The following ANKMY1 variants were observed in gnomAD, a reference collection of about 807,000 sequenced individuals.
ANKMY1 encodes the protein ankyrin repeat and MYND domain containing 1, also known as ankyrin repeat and MYND domain-containing protein 1.
In ANKMY1, 98 loss-of-function variants were observed where a neutral mutation model predicts 102.0. The ratio of observed to expected loss-of-function variants is 0.96; its 90% CI spans 0.82 to 1.14. ANKMY1 has a LOEUF of 1.14. Ranked by LOEUF, ANKMY1 falls within the 50% of genes most tolerant of loss-of-function variation. ANKMY1 has a pLI of 0.00. For missense variants in ANKMY1, 1,330 were observed against 1,347.6 expected (o/e 0.99, Z 0.20); for synonymous variants, 582 against 559.9 (o/e 1.04, Z -0.56).
chr2:240,490,048 A>G (rs1405705166), intron 15 of ANKMY1, among the ~76,000 whole-genome samples: 2 of 151,822 alleles, frequency 1.3e-5, no homozygotes, highest in African/African-American at 4.8e-5. Context: ...TTTGTCATAT[A>G]GTCTCTGATG....
intron 9 of ANKMY1, among the ~76,000 whole-genome samples, chr2:240,514,810 A>G (rs903494392): frequency 6.6e-6 from 1 of 152,216 alleles, no homozygotes; most frequent in Non-Finnish European, 1.5e-5. Flanking sequence ...GGCAACCCCG[A>G]GAGTCCCATT....
At chr2:240,469,709 T>G in the ANKMY1 span, among the ~76,000 whole-genome samples, 1 of 151,892 alleles carries the variant, frequency 6.6e-6, no homozygotes, top group South Asian at 2.1e-4. Flanking sequence ...ACCCTGTACA[T>G]GCACACACAA....
chr2:240,474,051 A>C, the ANKMY1 span, among the ~76,000 whole-genome samples: 1 of 152,166 alleles, frequency 6.6e-6, no homozygotes, highest in Non-Finnish European at 1.5e-5. Flanking sequence ...AGGCATCCAC[A>C]TCAGAAAGGA....
intron 16 of ANKMY1, among the ~76,000 whole-genome samples, chr2:240,481,458 G>T (rs966386010): frequency 6.6e-6 from 1 of 152,096 alleles, no homozygotes; most frequent in Non-Finnish European, 1.5e-5. Flanking sequence ...GTGGTACAGT[G>T]TTGCATGGGA....
At chr2:240,509,486 G>A (rs1460604240) in intron 11 of ANKMY1, 31 bp from the exon 12 acceptor site, 1 of 1,502,314 alleles carries the variant, frequency 6.7e-7, no homozygotes, top group Non-Finnish European at 9.2e-7. Flanking sequence ...GGTTAGAGAG[G>A]CACCCCCACC....
At position 240,482,279 on chromosome 2, in the gene ANKMY1, C is replaced by T. The variant is rs1374230757; in HGVS notation, c.2807-18G>A. 1 of 1,606,136 alleles carries T rather than the reference C, an allele frequency of 6.2e-7. No homozygotes were observed. The highest frequency in any genetic ancestry group is 1.3e-5 in the African/African-American group (1 of 74,504). On this transcript the variant is annotated intron_variant, in intron 15 of 17. Coordinates refer to ENST00000401804, the MANE Select transcript of ANKMY1 (RefSeq NM_001282771.3). ...CAGCTCCGCTGCATGAGAGAGGGTC[C>T]CGCATTAGTACCCACGTGGCAGGGT...
In ANKMY1 at chr2:240,529,510, C is replaced by T; in HGVS notation, c.481-1G>A. The T allele has an allele frequency of 6.2e-7, 1 of 1,608,370 alleles. No homozygotes were observed. Among genetic ancestry groups the T allele is most frequent in the Non-Finnish European group, 8.5e-7 (1 of 1,176,784 alleles). ...ACCGCTGGTCCGCTTTGTATAGCCC[C>T]TGCCAAGGAAGCGCAATAGACCGAG... On this transcript the variant is annotated splice_acceptor_variant, in intron 4 of 17. Transcript: ENST00000401804. LOFTEE classifies it high-confidence loss of function. The surrounding 1 kb of genome is among the most constrained non-coding windows in gnomAD (Gnocchi z 4.2).
intron 15 of ANKMY1, among the ~76,000 whole-genome samples, chr2:240,486,482 A>G (rs1353685687): frequency 6.6e-6 from 1 of 152,216 alleles, no homozygotes; most frequent in Non-Finnish European, 1.5e-5. Flanking sequence ...TGTATCATTT[A>G]ATTCCTACCT....
intron 15 of ANKMY1, among the ~76,000 whole-genome samples, chr2:240,498,533 T>G (rs1574959149): frequency 6.7e-5 from 2 of 29,836 alleles, no homozygotes; most frequent in Admixed American, 3.8e-4. Context: ...TGAGGGGGTG[T>G]GCGGGCAGCT....
downstream of ANKMY1, among the ~76,000 whole-genome samples, chr2:240,474,838 T>C (rs2074750902): frequency 6.6e-6 from 1 of 152,256 alleles, no homozygotes; most frequent in Non-Finnish European, 1.5e-5. Context: ...GACATTTATA[T>C]TGATTCCATG....
chr2:240,477,184 C>T (rs893722486), downstream of ANKMY1, among the ~76,000 whole-genome samples: 6 of 152,038 alleles, frequency 3.9e-5, 1 homozygote, highest in African/African-American at 4.8e-5. Flanking sequence ...GGCGTGGTGG[C>T]GCATGCCTAT....
intron 3 of ANKMY1, 104 bp from the exon 4 acceptor site, chr2:240,553,161 C>T (rs1226024665): frequency 7.3e-7 from 1 of 1,365,820 alleles, no homozygotes; most frequent in Non-Finnish European, 1.0e-6. Context: ...ATGGGGACCA[C>T]CCAGGGCTGT....
intron 9 of ANKMY1, among the ~76,000 whole-genome samples, chr2:240,515,405 GGCGC>G (rs1248068603): frequency 6.6e-6 from 1 of 152,034 alleles, no homozygotes; most frequent in African/African-American, 2.4e-5. Flanking sequence ...TGTGGCGGCA[GGCGC>G]CTGTAATCCC....
At chr2:240,545,185 A>C (rs1287494413) in intron 4 of ANKMY1, among the ~76,000 whole-genome samples, 1 of 152,244 alleles carries the variant, frequency 6.6e-6, no homozygotes, top group Non-Finnish European at 1.5e-5. Context: ...CTGCCTTCTC[A>C]AGTGGGTCCC....
rs1476193911 is a variant in ANKMY1, at chr2:240,526,286, G to A, written c.1113C>T (p.Asn371=). The A allele has an allele frequency of 1.2e-6, 2 of 1,614,068 alleles. No homozygotes were observed. Among genetic ancestry groups the A allele is most frequent in the African/African-American group, 1.3e-5 (1 of 74,930 alleles). Reference sequence around the variant, plus strand: ...CGTCCGCCACGTCAGCACTAGCAAAGTTGTCCTTCAGGATCCTACAAATCC... The same window carrying A: ...CGTCCGCCACGTCAGCACTAGCAAAATTGTCCTTCAGGATCCTACAAATCC... ...HEWICRILKD[N]FASADVADAK... Residue 371 remains asparagine (N), a synonymous_variant, in exon 6 of 18, where the codon AAC becomes AAT. Transcript: ENST00000401804.
chr2:240,558,116 G>A (rs898517133), upstream of ANKMY1: 1 of 406,216 alleles, frequency 2.5e-6, no homozygotes, highest in Non-Finnish European at 3.3e-6. Context: ...GTGACTTCAG[G>A]GGCTTGGGGC....
rs138287072 is a variant in ANKMY1 at position 240,524,400 on chromosome 2, A to G, written c.1336-19T>C. ...GAGGTTCCTTTGGAAAGAACCAAAAAAGTGTCATTAGAATAAATTGGAGTG... is the reference window on the plus strand; with the variant it reads ...GAGGTTCCTTTGGAAAGAACCAAAAGAGTGTCATTAGAATAAATTGGAGTG... On this transcript the variant is annotated intron_variant, in intron 7 of 17. Coordinates refer to ENST00000401804, the MANE Select transcript of ANKMY1 (RefSeq NM_001282771.3). 6.3e-7 allele frequency: 1 copy of G among 1,577,606 alleles called. No homozygotes were observed. Among genetic ancestry groups the G allele is most frequent in the East Asian group, 2.2e-5 (1 of 44,498 alleles).
At chr2:240,478,102 G>A (rs536092849), downstream of ANKMY1, among the ~76,000 whole-genome samples, 3 of 152,268 alleles carry the variant, frequency 2.0e-5, no homozygotes, top group African/African-American at 7.2e-5. Context: ...GTGTGTGGCA[G>A]CCCCTCCCCT....
chr2:240,527,381 A>C (rs1323121967), intron 5 of ANKMY1: 1 of 80,974 alleles, frequency 1.2e-5, no homozygotes, highest in East Asian at 4.1e-4. Flanking sequence ...GCATGGGTAG[A>C]CTGATGGATG....
Sources: gnomAD v4.1 joint callset for allele counts (sites outside exome capture counted in the v4.1 genomes callset) on GRCh38, gnomAD v4.1.1 for gene constraint, Gnocchi (gnomAD v3.1) non-coding constraint, MANE v1.5 for transcripts, NCBI Gene and HGNC (gene_info 2026-07-23, HGNC 2026-07-21) for gene names.